Variants in EXOC6B observed in about 807,000 individuals in gnomAD.
EXOC6B encodes the protein SEC15 homolog B.
A neutral mutation model predicts 113.5 loss-of-function variants in EXOC6B; 54 were observed. The observed-to-expected ratio is 0.48, with a 90% confidence interval of 0.38 to 0.60. The LOEUF (loss-of-function observed/expected upper bound fraction) is 0.60. EXOC6B is among the 20% of genes least tolerant of loss of function. The pLI is 0.00. For synonymous variants in EXOC6B, 357 were observed against 339.0 expected (o/e 1.05, Z -0.58); for missense variants, 797 against 977.5 (o/e 0.82, Z 2.46).
chr2:72,466,180 A>C (rs1270381900), intron 17 of EXOC6B, among the ~76,000 whole-genome samples: 3 of 151,932 alleles, frequency 2.0e-5, no homozygotes, highest in African/African-American at 7.2e-5. Context: ...CCCTGTCTCT[A>C]CTAAAAATAC....
chr2:72,313,409 A>G (rs984318614), intron 20 of EXOC6B, among the ~76,000 whole-genome samples: 1 of 152,186 alleles, frequency 6.6e-6, no homozygotes, highest in Non-Finnish European at 1.5e-5. Flanking sequence ...TTATATAACA[A>G]AAAATATAGG....
At chr2:72,681,816 C>T (rs1220000111) in intron 6 of EXOC6B, among the ~76,000 whole-genome samples, 1 of 151,898 alleles carries the variant, frequency 6.6e-6, no homozygotes, top group Admixed American at 6.6e-5. Context: ...CATGAATTTC[C>T]TAATAGACAA....
chr2:72,764,618 A>G (rs1319682193), intron 1 of EXOC6B, among the ~76,000 whole-genome samples: 3 of 151,950 alleles, frequency 2.0e-5, no homozygotes, highest in Non-Finnish European at 2.9e-5. Context: ...ATCCTGCCTC[A>G]GCCTCCCAAA....
At chr2:72,347,851 G>A (rs1412523014) in intron 19 of EXOC6B, among the ~76,000 whole-genome samples, 2 of 152,004 alleles carry the variant, frequency 1.3e-5, no homozygotes, top group East Asian at 1.9e-4. Context: ...AATGAAGTAC[G>A]TAAAGAATGA....
chr2:72,295,546 A>C (rs911757683), intron 20 of EXOC6B, among the ~76,000 whole-genome samples: 1 of 152,170 alleles, frequency 6.6e-6, no homozygotes, highest in African/African-American at 2.4e-5. Flanking sequence ...GGTAAGTTAA[A>C]ATTGTCCCTT....
intron 6 of EXOC6B, among the ~76,000 whole-genome samples, chr2:72,682,488 G>C (rs986203189): frequency 1.3e-5 from 2 of 151,510 alleles, no homozygotes; most frequent in Non-Finnish European, 2.9e-5. Flanking sequence ...CATCCCTTCT[G>C]TAAGAAAACT....
At chr2:72,188,242 C>T (rs1678576418) in intron 20 of EXOC6B, among the ~76,000 whole-genome samples, 1 of 152,194 alleles carries the variant, frequency 6.6e-6, no homozygotes. Flanking sequence ...CAGTGGTGGG[C>T]CATTTAGGGC....
rs139211064 is a variant in EXOC6B, at chr2:72,270,341, C to T, written c.2196+64606G>A. The stretch of plus-strand genomic sequence containing the variant: ...TCCTGAGCAGGTGTCAGAAGGCAAG[C>T]GTCCCAAACAAAGGCTGAAAAGTTT... On this transcript the variant is annotated intron_variant, in intron 20 of 21. Transcript: ENST00000272427. Among the ~76,000 whole-genome samples, 79 of 152,214 alleles carry T rather than the reference C, an allele frequency of 5.2e-4. 1 individual carries two copies. In the East Asian group the frequency reaches 0.013, roughly 25 times the overall value.
intron 20 of EXOC6B, among the ~76,000 whole-genome samples, chr2:72,273,650 T>C (rs1240463294): frequency 6.6e-6 from 1 of 152,102 alleles, no homozygotes; most frequent in Non-Finnish European, 1.5e-5. Context: ...ATGTCATGCT[T>C]GGGGAACAGC....
chr2:72,318,076 C>A (rs939953635), intron 20 of EXOC6B, among the ~76,000 whole-genome samples: 2 of 152,146 alleles, frequency 1.3e-5, no homozygotes, highest in African/African-American at 4.8e-5. Context: ...TTCTGTAGTA[C>A]CACTGGAGAC....
chr2:72,467,777 TA>T (rs1476942307), intron 17 of EXOC6B, among the ~76,000 whole-genome samples: 3 of 151,742 alleles, frequency 2.0e-5, no homozygotes, highest in Admixed American at 6.6e-5. Context: ...CTTTTTTATT[TA>T]TTTTTTTTTT....
rs150343775 is a variant in EXOC6B, at chr2:72,780,934, A to G, written c.114-39465T>C. Among the ~76,000 whole-genome samples, 84 of 152,288 alleles carry G rather than the reference A, an allele frequency of 5.5e-4. 2 individuals carry two copies. Among genetic ancestry groups the G allele is most frequent in the African/African-American group, 1.9e-3 (81 of 41,570 alleles). On this transcript the variant is annotated intron_variant, in intron 1 of 21. Transcript: ENST00000272427. ...GTAATTGTTACACTAAGGAAAAAAA[A>G]ACTTTTAAATTGGGTTTTCAGGGGT...
intron 8 of EXOC6B, among the ~76,000 whole-genome samples, chr2:72,548,104 C>G (rs1703007088): frequency 6.6e-6 from 1 of 152,098 alleles, no homozygotes; most frequent in South Asian, 2.1e-4. Flanking sequence ...GACCCTTGTT[C>G]ACTTTCTTCC....
intron 19 of EXOC6B, among the ~76,000 whole-genome samples, chr2:72,373,779 A>T (rs1448021123): frequency 6.6e-6 from 1 of 152,204 alleles, no homozygotes. Context: ...GCTGGAAAGG[A>T]TGTGGAGAAA....
chr2:72,570,570 T>C (rs1040908999), intron 7 of EXOC6B, among the ~76,000 whole-genome samples: 4 of 152,168 alleles, frequency 2.6e-5, no homozygotes, highest in African/African-American at 9.7e-5. Flanking sequence ...ATGTGACCCA[T>C]ACTCTATGAC....
At chr2:72,644,651 A>G (rs1337668288) in intron 6 of EXOC6B, among the ~76,000 whole-genome samples, 3 of 152,218 alleles carry the variant, frequency 2.0e-5, no homozygotes, top group African/African-American at 7.2e-5. Context: ...CTTAAAGAAA[A>G]TAATTTTCAA....
At chr2:72,549,004 G>A (rs1398932014) in intron 8 of EXOC6B, among the ~76,000 whole-genome samples, 3 of 151,532 alleles carry the variant, frequency 2.0e-5, no homozygotes, top group Non-Finnish European at 2.9e-5. Context: ...AGAGTGAGAC[G>A]CTGTCTCAAA....
chr2:72,341,927 A>G (rs1689053998), intron 19 of EXOC6B, among the ~76,000 whole-genome samples: 1 of 152,162 alleles, frequency 6.6e-6, no homozygotes, highest in Non-Finnish European at 1.5e-5. Flanking sequence ...AAAACCAGAA[A>G]TCAATAACAA....
intron 20 of EXOC6B, among the ~76,000 whole-genome samples, chr2:72,270,504 C>T (rs1307914038): frequency 1.3e-5 from 2 of 152,176 alleles, no homozygotes; most frequent in Non-Finnish European, 2.9e-5. Context: ...TATTTAACCA[C>T]TAACTTTGAA....
Sources: gnomAD v4.1 joint callset for allele counts (sites outside exome capture counted in the v4.1 genomes callset) on GRCh38, gnomAD v4.1.1 for gene constraint, MANE v1.5 for transcripts, NCBI Gene and HGNC (gene_info 2026-07-23, HGNC 2026-07-21) for gene names.